Variants in ADAMTS2 observed in about 807,000 individuals in gnomAD.
ADAMTS2 encodes the protein A disintegrin and metalloproteinase with thrombospondin motifs 2.
ADAMTS2 carries 50 observed loss-of-function variants against 123.0 expected under a neutral mutation model. The ratio of observed to expected loss-of-function variants is 0.41; its 90% CI spans 0.32 to 0.51. The LOEUF is 0.51. ADAMTS2 is among the 20% of genes least tolerant of loss of function. The pLI, the probability that ADAMTS2 is intolerant of heterozygous loss-of-function variation, is 0.35. For synonymous variants in ADAMTS2, 678 were observed against 695.4 expected (o/e 0.98, Z 0.39); for missense variants, 1,494 against 1,705.2 (o/e 0.88, Z 2.18).
rs773485301 is a variant in ADAMTS2 at position 179,207,503 on chromosome 5, C to A, written c.891+10G>T. 5.0e-6 allele frequency: 8 copies of A among 1,599,742 alleles called. No individual in the cohort carries two copies. Among genetic ancestry groups the A allele is most frequent in the Non-Finnish European group, 6.8e-6 (8 of 1,169,148 alleles). On this transcript the variant is annotated intron_variant, in intron 4 of 21. Transcript: ENST00000251582. ...CCGCCCCACCCTGCCCCCTCAGCCA[C>A]CCCACTCACAATGTTCATGAGTGTC...
intron 3 of ADAMTS2, among the ~76,000 whole-genome samples, chr5:179,245,161 G>A (rs1480850333): frequency 6.6e-6 from 1 of 152,158 alleles, no homozygotes; most frequent in Non-Finnish European, 1.5e-5. Context: ...AGAAACTGGA[G>A]GGATGGCTGC....
chr5:179,245,796 CAAAA>C (rs796076369), intron 3 of ADAMTS2, among the ~76,000 whole-genome samples: 2 of 73,784 alleles, frequency 2.7e-5, no homozygotes, highest in African/African-American at 5.0e-5. Context: ...AAAAAAAAAA[CAAAA>C]AAAACAAAGA....
intron 2 of ADAMTS2, among the ~76,000 whole-genome samples, chr5:179,278,614 T>C (rs1340228863): frequency 1.3e-5 from 2 of 152,112 alleles, no homozygotes; most frequent in Non-Finnish European, 2.9e-5. Flanking sequence ...ACAGAAAGGT[T>C]GGTACCCCGA....
At chr5:179,142,960 T>G (rs1763195506) in intron 10 of ADAMTS2, among the ~76,000 whole-genome samples, 1 of 152,074 alleles carries the variant, frequency 6.6e-6, no homozygotes, top group African/African-American at 2.4e-5. Flanking sequence ...ATGAAGCAGG[T>G]GACAGAAACT....
chr5:179,164,216 G>T (rs543375138), intron 5 of ADAMTS2, among the ~76,000 whole-genome samples: 1 of 152,334 alleles, frequency 6.6e-6, no homozygotes, highest in Admixed American at 6.5e-5. Flanking sequence ...GCACAGAGGA[G>T]CCCAGGGGCA....
chr5:179,173,442 C>G (rs1044387656), intron 5 of ADAMTS2, among the ~76,000 whole-genome samples: 6 of 152,092 alleles, frequency 3.9e-5, no homozygotes, highest in Non-Finnish European at 7.4e-5. Context: ...AAACAACAAA[C>G]AGCTTTAGAC....
At chr5:179,297,554 G>A (rs755683772) in intron 2 of ADAMTS2, among the ~76,000 whole-genome samples, 4 of 151,628 alleles carry the variant, frequency 2.6e-5, no homozygotes, top group African/African-American at 7.3e-5. Context: ...TCCCCAATAC[G>A]CTGAGGCCCC....
chr5:179,321,513 C>G (rs2076360191), intron 2 of ADAMTS2, among the ~76,000 whole-genome samples: 1 of 152,144 alleles, frequency 6.6e-6, no homozygotes, highest in Non-Finnish European at 1.5e-5. Context: ...CCTCTCTCAT[C>G]CTTTAGCAGG....
intron 3 of ADAMTS2, among the ~76,000 whole-genome samples, chr5:179,264,703 G>C (rs1010911947): frequency 1.3e-5 from 2 of 152,214 alleles, no homozygotes; most frequent in Non-Finnish European, 1.5e-5. Context: ...AGGGGACGGA[G>C]AGCAAGTGTC....
chr5:179,157,100 A>G (rs1763487738), intron 6 of ADAMTS2, among the ~76,000 whole-genome samples: 1 of 150,612 alleles, frequency 6.6e-6, no homozygotes, highest in Non-Finnish European at 1.5e-5. Context: ...AGTAGCTGGG[A>G]TTACAGGCAC....
At chr5:179,298,970 T>C (rs537404315) in intron 2 of ADAMTS2, among the ~76,000 whole-genome samples, 1 of 152,252 alleles carries the variant, frequency 6.6e-6, no homozygotes, top group African/African-American at 2.4e-5. Flanking sequence ...ACAGTGAGAA[T>C]TCAGCACATC....
chr5:179,122,892 CAGTGGGGAG>C, intron 19 of ADAMTS2, 119 bp from the exon 20 acceptor site: 1 of 1,474,422 alleles, frequency 6.8e-7, no homozygotes, highest in South Asian at 1.2e-5. Context: ...AGGTGTGGGA[CAGTGGGGAG>C]AGTGGGGTTT....
At chr5:179,163,219 G>T (rs1248992096) in intron 5 of ADAMTS2, among the ~76,000 whole-genome samples, 1 of 152,198 alleles carries the variant, frequency 6.6e-6, no homozygotes, top group Admixed American at 6.5e-5. Flanking sequence ...CAGGTGACAA[G>T]TCAATGAGGC....
intron 4 of ADAMTS2, among the ~76,000 whole-genome samples, chr5:179,182,985 T>C (rs756727275): frequency 2.6e-5 from 4 of 152,156 alleles, no homozygotes; most frequent in African/African-American, 4.8e-5. Flanking sequence ...AAAATGAGGA[T>C]TGCAGTCCCC....
intron 2 of ADAMTS2, among the ~76,000 whole-genome samples, chr5:179,278,863 T>C (rs1008360290): frequency 6.6e-6 from 1 of 151,692 alleles, no homozygotes; most frequent in Non-Finnish European, 1.5e-5. Flanking sequence ...CTATAGAACC[T>C]GCTCCTTTGC....
chr5:179,313,918 G>A (rs370112784), intron 2 of ADAMTS2, among the ~76,000 whole-genome samples: 1,058 of 78,324 alleles, frequency 0.014, 23 homozygotes, highest in East Asian at 0.028. Context: ...GGGCCTGGCC[G>A]GAGCAGGGGT....
At chr5:179,339,260 G>C (rs1037316241) in intron 2 of ADAMTS2, among the ~76,000 whole-genome samples, 1 of 152,224 alleles carries the variant, frequency 6.6e-6, no homozygotes, top group African/African-American at 2.4e-5. Context: ...AACTCTCACA[G>C]GTGTCACCCA....
At position 179,169,886 on chromosome 5, in the gene ADAMTS2, A is replaced by T. The variant is rs562339147; in HGVS notation, c.976-11007T>A. ...CTTTGTCTTGACCTGGTTTTTTATA[A>T]CAAGACACTTTATGTCCTTCTCTGA... On this transcript the variant is annotated intron_variant, in intron 5 of 21. Transcript: ENST00000251582. Among the ~76,000 whole-genome samples, 20 of 152,330 alleles carry T rather than the reference A, an allele frequency of 1.3e-4. No individual in the cohort carries two copies. In the East Asian group the frequency reaches 3.5e-3, roughly 26 times the overall value.
chr5:179,164,393 C>G (rs1255727565), intron 5 of ADAMTS2, among the ~76,000 whole-genome samples: 1 of 152,184 alleles, frequency 6.6e-6, no homozygotes. Flanking sequence ...CAGTGTGGCA[C>G]TGAGATGCAT....
Sources: allele counts gnomAD v4.1 joint callset (sites outside exome capture counted in the v4.1 genomes callset), GRCh38; gene constraint gnomAD v4.1.1; transcripts MANE v1.5; gene names NCBI Gene and HGNC (gene_info 2026-07-23, HGNC 2026-07-21).